The following KCNN3 variants were observed in gnomAD, a reference collection of about 807,000 sequenced individuals.
The protein encoded by KCNN3 is potassium calcium-activated channel subfamily N member 3, also known as small conductance calcium-activated potassium channel protein 3.
In KCNN3, 16 loss-of-function variants were observed where a neutral mutation model predicts 62.9. The observed-to-expected ratio is 0.25, with a 90% CI of 0.17 to 0.39. The LOEUF is 0.39. Among genes scored for constraint, KCNN3 ranks in the 10% least tolerant of loss-of-function variants. The pLI is 1.00. For synonymous variants in KCNN3, 370 were observed against 389.2 expected (o/e 0.95, Z 0.58); for missense variants, 599 against 949.4 (o/e 0.63, Z 4.85).
chr1:154,848,492 C>T (rs1347908317), intron 1 of KCNN3, among the ~76,000 whole-genome samples: 1 of 152,170 alleles, frequency 6.6e-6, no homozygotes, highest in Non-Finnish European at 1.5e-5. Flanking sequence ...ACATACCTTC[C>T]ACTGTTCCCT....
chr1:154,744,006 C>A (rs756745002), intron 3 of KCNN3, among the ~76,000 whole-genome samples: 11 of 152,170 alleles, frequency 7.2e-5, no homozygotes, highest in Non-Finnish European at 1.3e-4. Context: ...TACCCGCCCA[C>A]CCTGTCTCCA....
chr1:154,869,275 G>T lies in KCNN3; in HGVS notation c.690C>A (p.His230Gln), dbSNP rs374308005. The change falls in exon 1 of 8, where the codon CAC becomes CAA. Residue 230 changes from histidine to glutamine, a missense_variant. His to Gln is a conservative substitution (Grantham distance 24). Coordinates refer to ENST00000271915, the MANE Select transcript of KCNN3 (RefSeq NM_002249.6). This position sits in a 1 kb window ranked among gnomAD's most constrained non-coding sequence, Gnocchi z 6.1. Reference protein sequence around the residue: ...VISSREDNHAHQTLLHHPNAT... With the variant: ...VISSREDNHAQQTLLHHPNAT... ...CATTAGGGTGATGGAGCAGGGTCTG[G>T]TGGGCATGGTTGTCCTCCCGGGAGG... is the stretch of plus-strand genomic sequence containing the variant. The T allele has an allele frequency of 7.4e-6, 12 of 1,613,952 alleles. No individual in the cohort carries two copies. Among genetic ancestry groups the T allele is most frequent in the Non-Finnish European group, 1.0e-5 (12 of 1,180,002 alleles).
At chr1:154,828,385 T>A (rs1651227857) in intron 1 of KCNN3, among the ~76,000 whole-genome samples, 1 of 151,870 alleles carries the variant, frequency 6.6e-6, no homozygotes, top group South Asian at 2.1e-4. Context: ...CCCAGGCATT[T>A]CTGTGATGAA....
intron 1 of KCNN3, among the ~76,000 whole-genome samples, chr1:154,837,277 T>C (rs990680052): frequency 6.6e-6 from 1 of 152,038 alleles, no homozygotes; most frequent in Non-Finnish European, 1.5e-5. Flanking sequence ...AGTTTTTTGT[T>C]TGTTTGTTTG....
At chr1:154,866,940 G>C (rs1652978268) in intron 1 of KCNN3, among the ~76,000 whole-genome samples, 1 of 152,208 alleles carries the variant, frequency 6.6e-6, no homozygotes, top group Non-Finnish European at 1.5e-5. Flanking sequence ...CTGCAGAGTG[G>C]TGACTCTCCC....
chr1:154,774,108 G>A (rs1286037400), intron 2 of KCNN3, among the ~76,000 whole-genome samples: 2 of 152,230 alleles, frequency 1.3e-5, no homozygotes, highest in African/African-American at 4.8e-5. Flanking sequence ...TGAGGCTGCA[G>A]TGGGTTCGTA....
chr1:154,807,098 C>T (rs1409348806), intron 2 of KCNN3, among the ~76,000 whole-genome samples: 1 of 152,124 alleles, frequency 6.6e-6, no homozygotes, highest in Non-Finnish European at 1.5e-5. Context: ...GAAAACCACA[C>T]ATACACATGC....
chr1:154,776,492 C>G (rs2101844852), intron 2 of KCNN3, among the ~76,000 whole-genome samples: 1 of 152,250 alleles, frequency 6.6e-6, no homozygotes, highest in South Asian at 2.1e-4. Flanking sequence ...AGACAGGGCT[C>G]CGCTGCAAGG....
intron 2 of KCNN3, among the ~76,000 whole-genome samples, chr1:154,814,768 G>A (rs1336471075): frequency 2.0e-5 from 3 of 152,174 alleles, no homozygotes; most frequent in Non-Finnish European, 2.9e-5. Flanking sequence ...CTGACTTCTC[G>A]GGCCCAGTTG....
chr1:154,743,749 C>T (rs552755185), intron 3 of KCNN3, among the ~76,000 whole-genome samples: 1 of 152,274 alleles, frequency 6.6e-6, no homozygotes, highest in South Asian at 2.1e-4. Flanking sequence ...CACTGTGCTG[C>T]CGGGTGATTT....
chr1:154,703,068 A>AT lies in KCNN3; in HGVS notation c.*4907dup, dbSNP rs764907540. The AT allele has an allele frequency of 1.3e-5, 2 of 151,844 alleles. No homozygotes were observed. Among genetic ancestry groups the AT allele is most frequent in the African/African-American group, 4.8e-5 (2 of 41,318 alleles). The allele number at this position is 151,844 out of a possible 1,614,324, so 9.4% of individuals were successfully genotyped here. On this transcript the variant is annotated 3_prime_UTR_variant, in exon 8 of 8. Coordinates refer to ENST00000271915, the MANE Select transcript of KCNN3 (RefSeq NM_002249.6). ...CGTAAGACAAAAAGATCACAGTTATATTTTTTTCTATCTGTATATATGTAT... is the reference window on the plus strand; with the variant it reads ...CGTAAGACAAAAAGATCACAGTTATATTTTTTTTCTATCTGTATATATGTAT...
At chr1:154,812,796 T>C (rs911589116) in intron 2 of KCNN3, among the ~76,000 whole-genome samples, 4 of 152,182 alleles carry the variant, frequency 2.6e-5, no homozygotes, top group Admixed American at 6.5e-5. Flanking sequence ...TATGTCAAGT[T>C]TGAGGCTGTG....
rs186230111 is a variant in KCNN3, at chr1:154,704,293, T to G, written c.*3683A>C. On this transcript the variant is annotated 3_prime_UTR_variant, in exon 8 of 8. Transcript: ENST00000271915. ...TCTTTTGGATTGTATTAAGCACTTC[T>G]AGAGACATGATGTCATGAAGTTACG... The G allele has an allele frequency of 6.6e-6, 1 of 152,242 alleles. No homozygotes were observed. The highest frequency in any genetic ancestry group is 1.5e-5 in the Non-Finnish European group (1 of 68,044). The allele number at this position is 152,242 out of a possible 1,614,324, so 9.4% of individuals were successfully genotyped here.
chr1:154,839,176 G>A (rs1405780655), intron 1 of KCNN3, among the ~76,000 whole-genome samples: 1 of 152,180 alleles, frequency 6.6e-6, no homozygotes. Flanking sequence ...ACTTATCCAT[G>A]AAATGAGTGC....
intron 1 of KCNN3, among the ~76,000 whole-genome samples, chr1:154,844,727 C>T (rs1388738141): frequency 6.6e-6 from 1 of 152,184 alleles, no homozygotes; most frequent in Non-Finnish European, 1.5e-5. Context: ...ACTAGGGGGC[C>T]AGTTGCAGTG....
chr1:154,708,087 G>A lies in KCNN3; in HGVS notation c.2085C>T (p.Ala695=). The A allele has an allele frequency of 6.2e-7, 1 of 1,613,928 alleles. No homozygotes were observed. Among genetic ancestry groups the A allele is most frequent in the Non-Finnish European group, 8.5e-7 (1 of 1,179,924 alleles). The change falls in exon 8 of 8, where the codon GCC becomes GCT. Residue 695 remains alanine, a synonymous_variant. Coordinates refer to ENST00000271915, the MANE Select transcript of KCNN3 (RefSeq NM_002249.6). ...QQQLLSAIIE[A]RGVSVAVGTT... is the part of the protein sequence containing the mutation. ...TGCCCACTGCCACGCTGACACCCCG[G>A]GCCTCGATGATGGCAGACAGGAGCT...
At chr1:154,834,726 TCC>T (rs1651516627) in intron 1 of KCNN3, among the ~76,000 whole-genome samples, 1 of 152,152 alleles carries the variant, frequency 6.6e-6, no homozygotes, top group African/African-American at 2.4e-5. Context: ...GAAGGAACTG[TCC>T]CCACTTGACA....
Position 154,772,596 on chromosome 1 carries a change from C to T in KCNN3, c.1030-203G>A, listed in dbSNP as rs1160929179. ...AGCTGGATTCAGTCTACCTGGGAAG[C>T]CCTGGCTAAGACACTTTGACTCTCT... On this transcript the variant is annotated intron_variant, in intron 2 of 7. Coordinates refer to ENST00000271915, the MANE Select transcript of KCNN3 (RefSeq NM_002249.6). This position sits in a 1 kb window ranked among gnomAD's most constrained non-coding sequence, Gnocchi z 5.6. Among the ~76,000 whole-genome samples the T allele has an allele frequency of 6.6e-6, 1 of 152,200 alleles. No individual in the cohort carries two copies. Among genetic ancestry groups the T allele is most frequent in the Non-Finnish European group, 1.5e-5 (1 of 68,040 alleles).
intron 2 of KCNN3, among the ~76,000 whole-genome samples, chr1:154,780,734 G>A (rs1228578554): frequency 6.6e-6 from 1 of 152,036 alleles, no homozygotes; most frequent in African/African-American, 2.4e-5. Flanking sequence ...GAGGACAGGA[G>A]CTGATTGCCA....
Sources: gnomAD v4.1 joint callset for allele counts (sites outside exome capture counted in the v4.1 genomes callset) on GRCh38, gnomAD v4.1.1 for gene constraint, Gnocchi (gnomAD v3.1) non-coding constraint, MANE v1.5 for transcripts, NCBI Gene and HGNC (gene_info 2026-07-23, HGNC 2026-07-21) for gene names.